The following STON1 variants were observed in gnomAD, a reference collection of about 807,000 sequenced individuals.
STON1 encodes stonin 1.
A neutral mutation model predicts 60.9 loss-of-function variants in STON1; 79 were observed. The ratio of observed to expected loss-of-function variants is 1.30; its 90% CI spans 1.08 to 1.56. The LOEUF (loss-of-function observed/expected upper bound fraction) is 1.56. Among genes scored for constraint, STON1 ranks in the 40% most tolerant of loss-of-function variants. STON1 has a pLI of 0.00. For synonymous variants in STON1, 363 were observed against 306.9 expected, an observed-to-expected ratio of 1.18 and a Z score of -1.91; for missense variants, 1,166 against 858.9, an observed-to-expected ratio of 1.36 and a Z score of -4.47.
intron 1 of STON1, among the ~76,000 whole-genome samples, chr2:48,541,319 T>C (rs11694952): frequency 0.19 from 29,217 of 150,548 alleles, 3,256 homozygotes; most frequent in East Asian, 0.49. Flanking sequence ...TGCTACTGCA[T>C]CCCAGCCTGG....
At chr2:48,544,373 A>G (rs1312518141) in intron 1 of STON1, among the ~76,000 whole-genome samples, 2 of 152,194 alleles carry the variant, frequency 1.3e-5, no homozygotes, top group African/African-American at 2.4e-5. Context: ...GAAATTGAGC[A>G]TTGATGATCT....
In STON1 at chr2:48,581,870, C is replaced by G; in HGVS notation, c.1237C>G (p.Gln413Glu). The stretch of plus-strand genomic sequence containing the variant: ...AAAACCAAAAAAGAACTACGAGGAG[C>G]AAGAAATTTCCTTGGAAATTGTGGA... The part of the protein sequence containing the change: ...VSKPKKNYEE[Q>E]EISLEIVDNF... The change falls in exon 2 of 4, where the codon CAA (glutamine) becomes GAA (glutamate). Residue 413 changes from glutamine to glutamate, a missense_variant. Transcript: ENST00000404752. The G allele has an allele frequency of 6.2e-7, 1 of 1,614,012 alleles. No homozygotes were observed. Among genetic ancestry groups the G allele is most frequent in the Non-Finnish European group, 8.5e-7 (1 of 1,180,004 alleles).
In STON1 at chr2:48,591,742, C is replaced by A; in HGVS notation, c.2020C>A (p.Gln674Lys). The A allele has an allele frequency of 1.2e-6, 2 of 1,614,170 alleles. No homozygotes were observed. Among genetic ancestry groups the A allele is most frequent in the Non-Finnish European group, 1.7e-6 (2 of 1,180,032 alleles). The change falls in exon 3 of 4, where the codon CAG becomes AAG. Residue 674 changes from glutamine (Q) to lysine (K), a missense_variant. Transcript: ENST00000404752. ...PSDWYPFATVQFSVPDTCASR... is the reference protein window; with the variant it reads ...PSDWYPFATVKFSVPDTCASR... The stretch of plus-strand genomic sequence containing the variant: ...TGATTGGTATCCATTTGCTACTGTT[C>A]AGTTTTCCGTGCCTGACACCTGTGC...
At chr2:48,564,473 C>CT (rs1400313783) in intron 1 of STON1, among the ~76,000 whole-genome samples, 8 of 51,748 alleles carry the variant, frequency 1.5e-4, no homozygotes, top group African/African-American at 6.1e-4. Context: ...TCTTCTTCTT[C>CT]TTCTTCTTTC....
At position 48,581,752 on chromosome 2, in the gene STON1, G is replaced by T. The variant is rs1673899050; in HGVS notation, c.1119G>T (p.Glu373Asp). ...AAGTAGTTCATGAACCTGACATAGA[G>T]CAGATGCTGAAGTTGGGGTCCACAT... ...KTEVVHEPDI[E>D]QMLKLGSTSY... The change falls in exon 2 of 4, where the codon GAG (glutamate) becomes GAT (aspartate). Residue 373 changes from glutamate to aspartate, a missense_variant. Transcript: ENST00000404752. The T allele has an allele frequency of 6.2e-7, 1 of 1,613,506 alleles. No individual in the cohort carries two copies. The highest frequency in any genetic ancestry group is 1.1e-5 in the South Asian group (1 of 90,776).
chr2:48,531,823 GT>G (rs1671222584), intron 1 of STON1: 1 of 152,080 alleles, frequency 6.6e-6, no homozygotes, highest in South Asian at 2.1e-4. Context: ...AATAAATGTG[GT>G]TGTAACAAAT....
Position 48,581,020 on chromosome 2 carries a change from A to G in STON1, c.387A>G (p.Thr129=). ...CTTCCTTACTGCCTACCAGACCAAC[A>G]TGTTTATCCCATGCCTTGTTACCCA... is the stretch of plus-strand genomic sequence containing the variant. ...GESSLLPTRP[T]CLSHALLPSD... is the part of the protein sequence containing the mutation. Residue 129 remains threonine (T), a synonymous_variant, in exon 2 of 4, where the codon ACA becomes ACG. Coordinates refer to ENST00000404752, the MANE Select transcript of STON1 (RefSeq NM_006873.4). The G allele has an allele frequency of 6.4e-7, 1 of 1,569,086 alleles. No individual in the cohort carries two copies. Among genetic ancestry groups the G allele is most frequent in the Non-Finnish European group, 8.6e-7 (1 of 1,161,912 alleles).
chr2:48,568,191 T>G (rs1194587467), intron 1 of STON1, among the ~76,000 whole-genome samples: 1 of 152,124 alleles, frequency 6.6e-6, no homozygotes, highest in East Asian at 1.9e-4. Flanking sequence ...CTTCCTGAGC[T>G]CTGCTGAATA....
intron 1 of STON1, among the ~76,000 whole-genome samples, chr2:48,578,915 AG>A (rs1044844560): frequency 1.1e-4 from 16 of 151,576 alleles, no homozygotes; most frequent in Non-Finnish European, 2.9e-5. Context: ...AGTGTGGCTG[AG>A]GGAAGCCAAA....
At chr2:48,577,639 G>A (rs892723195) in intron 1 of STON1, among the ~76,000 whole-genome samples, 7 of 151,432 alleles carry the variant, frequency 4.6e-5, no homozygotes, top group African/African-American at 1.7e-4. Context: ...TGTAGGGGAG[G>A]AGATTCACTC....
intron 1 of STON1, among the ~76,000 whole-genome samples, chr2:48,575,960 G>T (rs993460349): frequency 5.3e-5 from 8 of 151,404 alleles, no homozygotes; most frequent in African/African-American, 1.9e-4. Flanking sequence ...GTTTCACCAT[G>T]TTGGCTAGGC....
chr2:48,555,452 G>A (rs1408389056), intron 1 of STON1, among the ~76,000 whole-genome samples: 4 of 94,974 alleles, frequency 4.2e-5, no homozygotes, highest in Non-Finnish European at 6.6e-5. Flanking sequence ...CAGGGGGGCT[G>A]ACCCCCCCCA....
intron 1 of STON1, among the ~76,000 whole-genome samples, chr2:48,577,040 C>G (rs55700200): frequency 6.7e-6 from 1 of 148,936 alleles, no homozygotes; most frequent in African/African-American, 2.5e-5. Flanking sequence ...GGCGACTGAG[C>G]GAGATTCCAT....
intron 1 of STON1, chr2:48,531,324 G>A (rs1671203618): frequency 6.6e-6 from 1 of 152,212 alleles, no homozygotes; most frequent in African/African-American, 2.4e-5. Flanking sequence ...AGGGAGCTGT[G>A]AAAACAAGGC....
intron 1 of STON1, among the ~76,000 whole-genome samples, chr2:48,568,382 T>C (rs896064138): frequency 6.6e-6 from 1 of 152,126 alleles, no homozygotes; most frequent in Admixed American, 6.5e-5. Context: ...ACTTCAACAA[T>C]CTACAGGAGA....
At chr2:48,592,900 C>A (rs986476479) in intron 3 of STON1, among the ~76,000 whole-genome samples, 2 of 151,998 alleles carry the variant, frequency 1.3e-5, no homozygotes, top group Admixed American at 6.6e-5. Flanking sequence ...CAAGCGTGAG[C>A]CACCGTATCC....
At position 48,537,828 on chromosome 2, in the gene STON1, C is replaced by T. The variant is rs371077922; in HGVS notation, c.-48+7612C>T. On this transcript the variant is annotated intron_variant, in intron 1 of 3. Coordinates refer to ENST00000404752, the MANE Select transcript of STON1 (RefSeq NM_006873.4). ...TTGCACCACTGCCCTCCAGACTGGG[C>T]GACAGAGCAAGACTTCATCTCAAAA... is the stretch of plus-strand genomic sequence containing the variant. 1.7e-4 allele frequency among the ~76,000 whole-genome samples: 22 copies of T among 127,260 alleles called. No homozygotes were observed. In the Admixed American group the frequency reaches 1.8e-3, roughly 11 times the overall value. The allele number at this position is 127,260 out of a possible 152,430, so 83.5% of individuals were successfully genotyped here.
intron 1 of STON1, among the ~76,000 whole-genome samples, chr2:48,533,751 G>T (rs2103728594): frequency 7.2e-6 from 1 of 139,558 alleles, no homozygotes; most frequent in African/African-American, 2.6e-5. Context: ...GTATAAGAAT[G>T]TTGAATTACA....
intron 1 of STON1, among the ~76,000 whole-genome samples, chr2:48,578,558 TCTCCTC>T (rs1199074783): frequency 7.3e-5 from 4 of 54,640 alleles, no homozygotes; most frequent in Admixed American, 5.1e-4. Context: ...TTCTCCTCCT[TCTCCTC>T]CTCCTCCTCC....
Sources: allele counts gnomAD v4.1 joint callset (sites outside exome capture counted in the v4.1 genomes callset), GRCh38; gene constraint gnomAD v4.1.1; transcripts MANE v1.5; gene names NCBI Gene and HGNC (gene_info 2026-07-23, HGNC 2026-07-21).